BCO1: variants seen among roughly 807,000 people sequenced by gnomAD.
The protein encoded by BCO1 is beta,beta-carotene 15,15'-dioxygenase.
BCO1 carries 54 observed loss-of-function variants against 56.3 expected under a neutral mutation model. The observed-to-expected ratio is 0.96, with a 90% CI of 0.77 to 1.20. The LOEUF (loss-of-function observed/expected upper bound fraction) is 1.20. BCO1 is among the 50% of genes most tolerant of loss of function. BCO1 has a pLI of 0.00. For missense variants in BCO1, 801 were observed against 690.9 expected (o/e 1.16, Z -1.79); for synonymous variants, 318 against 266.1 (o/e 1.20, Z -1.90).
chr16:81,257,298 T>C (rs546883821), intron 2 of BCO1, among the ~76,000 whole-genome samples: 22 of 152,216 alleles, frequency 1.4e-4, no homozygotes, highest in Non-Finnish European at 3.1e-4. Flanking sequence ...GGGGTCTCGC[T>C]CTGTCGTCCA....
intron 1 of BCO1, among the ~76,000 whole-genome samples, chr16:81,240,009 G>T (rs1434831318): frequency 1.3e-5 from 2 of 152,048 alleles, no homozygotes; most frequent in African/African-American, 4.8e-5. Context: ...TGATTTTCGT[G>T]AGAACATCAG....
At chr16:81,252,383 G>A (rs1365340503) in intron 2 of BCO1, among the ~76,000 whole-genome samples, 1 of 152,026 alleles carries the variant, frequency 6.6e-6, no homozygotes, top group Non-Finnish European at 1.5e-5. Flanking sequence ...AGCCTCCCGA[G>A]TGGCTGGGAT....
chr16:81,242,391 G>C (rs7192614), intron 1 of BCO1, among the ~76,000 whole-genome samples: 192 of 151,636 alleles, frequency 1.3e-3, no homozygotes, highest in Non-Finnish European at 2.1e-3. Flanking sequence ...AGTAGTGACG[G>C]GGTTTCACCA....
intron 2 of BCO1, among the ~76,000 whole-genome samples, chr16:81,255,733 C>A (rs1567702356): frequency 6.6e-6 from 1 of 152,012 alleles, no homozygotes; most frequent in Admixed American, 6.6e-5. Context: ...TCTCAAACTC[C>A]TGACCTTGTG....
At chr16:81,281,094 T>C in intron 8 of BCO1, 132 bp downstream of exon 8, 1 of 703,214 alleles carries the variant, frequency 1.4e-6, no homozygotes, top group Non-Finnish European at 2.5e-6. Context: ...TGGGATGCCC[T>C]GGTGAAAAGC....
chr16:81,261,925 G>C, intron 3 of BCO1: 1 of 505,212 alleles, frequency 2.0e-6, no homozygotes. Flanking sequence ...GTATTTTTTA[G>C]TACAGACGGG....
intron 8 of BCO1, 66 bp from the exon 9 acceptor site, chr16:81,285,474 C>A (rs1272818785): frequency 1.7e-6 from 2 of 1,189,642 alleles, no homozygotes; most frequent in Admixed American, 1.7e-5. Flanking sequence ...CCCAATCTGA[C>A]AGGAAGGGTG....
chr16:81,267,148 G>A (rs547089406), intron 5 of BCO1, among the ~76,000 whole-genome samples: 41 of 152,256 alleles, frequency 2.7e-4, no homozygotes, highest in African/African-American at 9.6e-4. Flanking sequence ...TACCTTCACT[G>A]TATGAGAGTC....
rs1907116567 is a variant in BCO1, at chr16:81,270,368, C to T, written c.1053C>T (p.Thr351=). ...NQDFKENSRL[T]SVPTLRRFAV... is the part of the protein sequence containing the mutation. ...ACTTCAAGGAGAACTCCAGGCTCAC[C>T]TCGGTCCCCACCCTCAGGAGGTTTG... Residue 351 remains threonine, a synonymous_variant, in exon 7 of 11, where the codon ACC becomes ACT. Transcript: ENST00000258168. The T allele has an allele frequency of 1.2e-6, 2 of 1,613,964 alleles. No homozygotes were observed. The highest frequency in any genetic ancestry group is 1.7e-5 in the Admixed American group (1 of 59,974).
Position 81,270,241 on chromosome 16 carries a change from A to G in BCO1, c.926A>G (p.His309Arg). 6.2e-7 allele frequency: 1 copy of G among 1,614,184 alleles called. No homozygotes were observed. The highest frequency in any genetic ancestry group is 8.5e-7 in the Non-Finnish European group (1 of 1,180,034). The change falls in exon 7 of 11, where the codon CAC (histidine) becomes CGC (arginine). Residue 309 changes from histidine to arginine, a missense_variant. By Grantham distance (29) the His-to-Arg change is conservative. Coordinates refer to ENST00000258168, the MANE Select transcript of BCO1 (RefSeq NM_017429.3). ...ACAGACGCCATGGTGGTCTTCCATCACGTCAACGCCTACGAAGAGGACGGC... is the reference window on the plus strand; with the variant it reads ...ACAGACGCCATGGTGGTCTTCCATCGCGTCAACGCCTACGAAGAGGACGGC... Reference protein sequence around the residue: ...FYTDAMVVFHHVNAYEEDGCI... With the variant: ...FYTDAMVVFHRVNAYEEDGCI...
At chr16:81,284,359 T>C (rs972687571) in intron 8 of BCO1, among the ~76,000 whole-genome samples, 12 of 151,514 alleles carry the variant, frequency 7.9e-5, no homozygotes, top group African/African-American at 2.9e-4. Context: ...ATAAGCATGA[T>C]GAAAATTTCA....
At chr16:81,240,663 C>A (rs1006649278) in intron 1 of BCO1, among the ~76,000 whole-genome samples, 1 of 151,732 alleles carries the variant, frequency 6.6e-6, no homozygotes, top group African/African-American at 2.4e-5. Context: ...TGAGATCGTG[C>A]CACTGCACTC....
chr16:81,262,387 G>T (rs965681998), intron 4 of BCO1, 104 bp downstream of exon 4: 16 of 1,288,742 alleles, frequency 1.2e-5, no homozygotes, highest in Non-Finnish European at 1.8e-5. Flanking sequence ...TACCAGGGGA[G>T]CCCCTCCTCT....
Position 81,238,695 on chromosome 16 carries a change from G to A in BCO1, c.-214G>A. The A allele has an allele frequency of 1.7e-6, 1 of 601,184 alleles. No individual in the cohort carries two copies. Among genetic ancestry groups the A allele is most frequent in the Non-Finnish European group, 3.0e-6 (1 of 334,238 alleles). 37.2% of individuals were successfully genotyped at this position (601,184 alleles called of 1,614,324 possible). Reference sequence around the variant, plus strand: ...CGCCAGCGCAGCTTCCCTTGTGAATGTAAAGAGATCCAGGGCTCTTGGAGA... The same window carrying A: ...CGCCAGCGCAGCTTCCCTTGTGAATATAAAGAGATCCAGGGCTCTTGGAGA... On this transcript the variant is annotated 5_prime_UTR_variant, in exon 1 of 11. It removes an upstream start codon present in the reference 5' UTR. Transcript: ENST00000258168.
At chr16:81,258,500 C>T (rs1373280996) in intron 2 of BCO1, among the ~76,000 whole-genome samples, 5 of 152,184 alleles carry the variant, frequency 3.3e-5, no homozygotes, top group Admixed American at 6.5e-5. Flanking sequence ...CTGGAGGCAG[C>T]GCTCCCAGGA....
At chr16:81,264,558 C>T in intron 4 of BCO1, 82 bp from the exon 5 acceptor site, 9 of 1,541,288 alleles carry the variant, frequency 5.8e-6, no homozygotes, top group Non-Finnish European at 8.1e-6. Flanking sequence ...AACCTTTCTC[C>T]TTTGAAAAAC....
At chr16:81,250,188 A>G (rs1189476589) in intron 2 of BCO1, among the ~76,000 whole-genome samples, 1 of 152,150 alleles carries the variant, frequency 6.6e-6, no homozygotes, top group African/African-American at 2.4e-5. Flanking sequence ...AGGCCAAGTC[A>G]CTTACCCAGA....
At chr16:81,259,252 G>T (rs1906330695) in intron 2 of BCO1, among the ~76,000 whole-genome samples, 3 of 152,160 alleles carry the variant, frequency 2.0e-5, no homozygotes, top group Admixed American at 2.0e-4. Flanking sequence ...TCAGCACTTT[G>T]GGAGGCTGAG....
intron 2 of BCO1, among the ~76,000 whole-genome samples, chr16:81,249,566 T>A (rs936346068): frequency 1.3e-5 from 2 of 152,004 alleles, no homozygotes; most frequent in Admixed American, 6.6e-5. Context: ...CCGGCTAGGT[T>A]TTTTTGTATT....
Sources: allele counts gnomAD v4.1 joint callset (sites outside exome capture counted in the v4.1 genomes callset), GRCh38; gene constraint gnomAD v4.1.1; transcripts MANE v1.5; gene names NCBI Gene and HGNC (gene_info 2026-07-23, HGNC 2026-07-21).